Variants in FGF14 observed in about 807,000 individuals in gnomAD.
The protein encoded by FGF14 is fibroblast growth factor homologous factor 4.
In FGF14, 5 loss-of-function variants were observed where a neutral mutation model predicts 25.5. The observed-to-expected ratio is 0.20, with a 90% CI of 0.10 to 0.41. The LOEUF (loss-of-function observed/expected upper bound fraction) is 0.41. FGF14 is among the 10% of genes least tolerant of loss of function. The probability of loss-of-function intolerance (pLI) is 1.00; values close to 1 mark genes in which losing one functional copy is unlikely to be tolerated. For synonymous variants in FGF14, 138 were observed against 118.3 expected (o/e 1.17, Z -1.08); for missense variants, 222 against 320.1 (o/e 0.69, Z 2.34).
chr13:102,197,612 T>A (rs1009654161), intron 1 of FGF14, among the ~76,000 whole-genome samples: 1 of 151,770 alleles, frequency 6.6e-6, no homozygotes, highest in Non-Finnish European at 1.5e-5. Context: ...TATATATTTA[T>A]ACATAATAAA....
chr13:102,070,289 C>A (rs951337226), intron 1 of FGF14, among the ~76,000 whole-genome samples: 3 of 152,178 alleles, frequency 2.0e-5, no homozygotes, highest in Non-Finnish European at 2.9e-5. Context: ...TGGTCAATAT[C>A]ATTCATTGAT....
intron 3 of FGF14, among the ~76,000 whole-genome samples, chr13:101,771,603 A>G (rs1220426241): frequency 6.6e-6 from 1 of 152,084 alleles, no homozygotes; most frequent in African/African-American, 2.4e-5. Flanking sequence ...TGCTTACTCA[A>G]TCAGGGTTGT....
At chr13:102,042,596 C>T (rs1038257952) in intron 1 of FGF14, among the ~76,000 whole-genome samples, 1 of 152,096 alleles carries the variant, frequency 6.6e-6, no homozygotes, top group South Asian at 2.1e-4. Flanking sequence ...AATGAATAAA[C>T]AAGTGAATGC....
In FGF14 at chr13:102,004,988, A is replaced by G. The variant is rs144556563; in HGVS notation, c.209-129692T>C. ...TCTTTCCTTTATAAATTACCCAGTC[A>G]TGGGTATTTCTTCATAGCAGCATGA... On this transcript the variant is annotated intron_variant, in intron 1 of 4. Transcript: ENST00000376131. Among the ~76,000 whole-genome samples, 70 of 152,314 alleles carry G rather than the reference A, an allele frequency of 4.6e-4. No homozygotes were observed. The Middle Eastern group carries it at 0.014, about 30-fold the overall frequency.
intron 1 of FGF14, among the ~76,000 whole-genome samples, chr13:101,963,339 G>C (rs2036983428): frequency 6.6e-6 from 1 of 151,620 alleles, no homozygotes; most frequent in South Asian, 2.1e-4. Context: ...AGTTGTTTTG[G>C]CTGTATTCTC....
At chr13:102,192,755 A>ATG (rs2049179227) in intron 1 of FGF14, among the ~76,000 whole-genome samples, 1 of 152,180 alleles carries the variant, frequency 6.6e-6, no homozygotes, top group Non-Finnish European at 1.5e-5. Context: ...TTATAAAAGG[A>ATG]TCACCTTTCT....
chr13:101,914,196 T>A (rs1045770948), intron 1 of FGF14, among the ~76,000 whole-genome samples: 1 of 151,118 alleles, frequency 6.6e-6, no homozygotes, highest in Admixed American at 6.6e-5. Flanking sequence ...CTTAATTAAA[T>A]GAATAATTAT....
rs1469230796 is a variant in FGF14 at position 102,400,422 on chromosome 13, C to A, written c.208+1049G>T. On this transcript the variant is annotated intron_variant, in intron 1 of 4. Transcript: ENST00000376131. The surrounding 1 kb of genome is among the most constrained non-coding windows in gnomAD (Gnocchi z 4.3). ...GGAGCTAGGGGACGCCACACACTCC[C>A]GGCTGCCAGCGTGAGCGGTTCCGGG... is the stretch of plus-strand genomic sequence containing the variant. 6.6e-6 allele frequency among the ~76,000 whole-genome samples: 1 copy of A among 152,172 alleles called. No individual in the cohort carries two copies. The highest frequency in any genetic ancestry group is 1.5e-5 in the Non-Finnish European group (1 of 68,028).
intron 1 of FGF14, among the ~76,000 whole-genome samples, chr13:102,324,753 C>T (rs2056367582): frequency 6.6e-6 from 1 of 152,106 alleles, no homozygotes; most frequent in East Asian, 1.9e-4. Context: ...GATGTCTGGC[C>T]CATTTATAGT....
chr13:102,097,168 A>G (rs1822125029), intron 1 of FGF14, among the ~76,000 whole-genome samples: 1 of 152,186 alleles, frequency 6.6e-6, no homozygotes, highest in Non-Finnish European at 1.5e-5. Context: ...ACAAACTTTC[A>G]TCACTTCACA....
chr13:101,884,748 C>A (rs1057258074), intron 1 of FGF14, among the ~76,000 whole-genome samples: 1 of 151,930 alleles, frequency 6.6e-6, no homozygotes, highest in Admixed American at 6.6e-5. Context: ...TGAAAAAAAT[C>A]TTGAGAAAAA....
intron 1 of FGF14, among the ~76,000 whole-genome samples, chr13:102,178,902 T>C (rs544208169): frequency 6.6e-6 from 1 of 152,254 alleles, no homozygotes; most frequent in Non-Finnish European, 1.5e-5. Context: ...TCTATTCACT[T>C]TTGTAATCAT....
intron 3 of FGF14, among the ~76,000 whole-genome samples, chr13:101,816,477 A>C (rs2041856518): frequency 6.6e-6 from 1 of 152,136 alleles, no homozygotes. Flanking sequence ...ATTCCCTGAA[A>C]TATAATTACC....
chr13:102,175,653 T>C (rs1471011789), intron 1 of FGF14, among the ~76,000 whole-genome samples: 2 of 152,088 alleles, frequency 1.3e-5, no homozygotes, highest in Non-Finnish European at 2.9e-5. Flanking sequence ...GAGAAAATGT[T>C]TGCAAACTAT....
rs150423126 is a variant in FGF14, at chr13:102,392,757, G to A, written c.208+8714C>T. On this transcript the variant is annotated intron_variant, in intron 1 of 4. Transcript: ENST00000376131. ...CAAATTCAAACTGGCCACTAAGATGGATGGACTTCACTTCCTCTCTAGTGC... is the reference window on the plus strand; with the variant it reads ...CAAATTCAAACTGGCCACTAAGATGAATGGACTTCACTTCCTCTCTAGTGC... Among the ~76,000 whole-genome samples, 264 of 152,250 alleles carry A rather than the reference G, an allele frequency of 1.7e-3. 3 individuals carry two copies. The highest frequency in any genetic ancestry group is 6.0e-3 in the African/African-American group (249 of 41,548).
chr13:101,843,610 C>G (rs1224674078), intron 3 of FGF14, among the ~76,000 whole-genome samples: 1 of 151,798 alleles, frequency 6.6e-6, no homozygotes, highest in African/African-American at 2.4e-5. Context: ...AAAAAGATGG[C>G]AACATAAACA....
At chr13:102,112,894 G>T (rs988364327) in intron 1 of FGF14, among the ~76,000 whole-genome samples, 2 of 152,112 alleles carry the variant, frequency 1.3e-5, no homozygotes, top group Non-Finnish European at 2.9e-5. Context: ...AGTCTTCCAA[G>T]TTTGGGTTCA....
intron 1 of FGF14, among the ~76,000 whole-genome samples, chr13:102,360,921 G>A (rs1395770234): frequency 6.6e-6 from 1 of 151,342 alleles, no homozygotes; most frequent in East Asian, 1.9e-4. Context: ...GCAAAGCAAA[G>A]AAGGCCATAA....
chr13:102,200,407 A>C (rs143626583), intron 1 of FGF14, among the ~76,000 whole-genome samples: 194 of 152,254 alleles, frequency 1.3e-3, no homozygotes, highest in African/African-American at 4.3e-3. Flanking sequence ...AAGGACAGCA[A>C]TTCTTTTCAT....
Sources: gnomAD v4.1 joint callset for allele counts (sites outside exome capture counted in the v4.1 genomes callset) on GRCh38, gnomAD v4.1.1 for gene constraint, Gnocchi (gnomAD v3.1) non-coding constraint, MANE v1.5 for transcripts, NCBI Gene and HGNC (gene_info 2026-07-23, HGNC 2026-07-21) for gene names.